Variants in CHODL observed in about 807,000 individuals in gnomAD.
CHODL encodes the protein transmembrane protein MT75.
CHODL carries 29 observed loss-of-function variants against 34.5 expected under a neutral mutation model. That is an observed-to-expected ratio of 0.84 (90% CI 0.63 to 1.15). The LOEUF is 1.15. Among genes scored for constraint, CHODL ranks in the 50% most tolerant of loss-of-function variants. CHODL has a pLI of 0.00. For missense variants in CHODL, 332 were observed against 332.5 expected, an observed-to-expected ratio of 1.00 and a Z score of 0.01; for synonymous variants, 125 against 116.1, an observed-to-expected ratio of 1.08 and a Z score of -0.49.
intron 2 of CHODL, among the ~76,000 whole-genome samples, chr21:18,059,040 C>T (rs1044320892): frequency 6.6e-6 from 1 of 152,114 alleles, no homozygotes; most frequent in Non-Finnish European, 1.5e-5. Context: ...GGTTAAAGCC[C>T]TTATACCCTA....
chr21:18,133,559 T>G (rs1254303130), intron 2 of CHODL, among the ~76,000 whole-genome samples: 3 of 152,142 alleles, frequency 2.0e-5, no homozygotes, highest in African/African-American at 4.8e-5. Flanking sequence ...TACAGGAAGT[T>G]TGTACAGCAA....
chr21:18,117,343 G>A (rs1250705657), intron 2 of CHODL, among the ~76,000 whole-genome samples: 1 of 152,172 alleles, frequency 6.6e-6, no homozygotes, highest in Non-Finnish European at 1.5e-5. Flanking sequence ...GTGGTATGAC[G>A]AGATAAATAT....
At chr21:18,029,026 T>G (rs2064217129) in intron 2 of CHODL, among the ~76,000 whole-genome samples, 1 of 152,212 alleles carries the variant, frequency 6.6e-6, no homozygotes. Context: ...CATCTCATGT[T>G]ACCCATTATG....
rs141198483 is a variant in CHODL at position 18,226,950 on chromosome 21, C to T, written c.-44-29559C>T. Among the ~76,000 whole-genome samples, 582 of 152,158 alleles carry T rather than the reference C, an allele frequency of 3.8e-3. 3 individuals carry two copies. Among genetic ancestry groups the T allele is most frequent in the Non-Finnish European group, 6.1e-3 (416 of 68,012 alleles). ...GTGAAATAGCTGTCTTAGTCCATTC[C>T]GGCTGCGATAACAAAATATCATAAA... On this transcript the variant is annotated intron_variant, in intron 2 of 6. Transcript: ENST00000400127.
chr21:18,225,659 TG>T (rs1372350882), intron 2 of CHODL, among the ~76,000 whole-genome samples: 1 of 152,014 alleles, frequency 6.6e-6, no homozygotes, highest in African/African-American at 2.4e-5. Flanking sequence ...TAAAAAATAA[TG>T]GGTAAGGAGA....
chr21:18,141,672 C>T lies in CHODL; in HGVS notation c.-45+113701C>T, dbSNP rs577451225. On this transcript the variant is annotated intron_variant, in intron 2 of 6. Coordinates refer to the CHODL transcript ENST00000400127. ...GAAATAGAGATTTGTGTGGTGGCTT[C>T]GCAGGTGTGGTGGCTGTAACCCTGG... 6.7e-5 allele frequency among the ~76,000 whole-genome samples: 10 copies of T among 149,434 alleles called. No individual in the cohort carries two copies. In the South Asian group the frequency reaches 1.7e-3, roughly 25 times the overall value.
chr21:18,121,481 A>G (rs747317645), intron 2 of CHODL, among the ~76,000 whole-genome samples: 2 of 152,192 alleles, frequency 1.3e-5, no homozygotes, highest in Admixed American at 6.5e-5. Flanking sequence ...TTAGATATCA[A>G]AGAGGCATCT....
intron 2 of CHODL, among the ~76,000 whole-genome samples, chr21:18,135,411 T>C (rs953583867): frequency 6.6e-6 from 1 of 152,122 alleles, no homozygotes; most frequent in Non-Finnish European, 1.5e-5. Flanking sequence ...AAATACAGAA[T>C]ACATAAGAAC....
intron 1 of CHODL, among the ~76,000 whole-genome samples, chr21:17,936,005 C>T (rs1280346889): frequency 6.6e-6 from 1 of 152,184 alleles, no homozygotes; most frequent in Non-Finnish European, 1.5e-5. Flanking sequence ...ATTTTTTAGA[C>T]AGGGGCTGCT....
chr21:17,954,298 A>T (rs1179742281), intron 1 of CHODL, among the ~76,000 whole-genome samples: 1 of 152,196 alleles, frequency 6.6e-6, no homozygotes, highest in Non-Finnish European at 1.5e-5. Context: ...GAAAGAAGAG[A>T]TAAACCCAAG....
intron 1 of CHODL, among the ~76,000 whole-genome samples, chr21:17,963,071 AAAAAT>A (rs1402110211): frequency 5.3e-4 from 37 of 70,288 alleles, no homozygotes; most frequent in Admixed American, 2.8e-3. Context: ...CTCAAAAAAA[AAAAAT>A]AATAATAATA....
intron 1 of CHODL, among the ~76,000 whole-genome samples, chr21:18,016,990 C>G (rs1426315722): frequency 1.3e-5 from 2 of 152,258 alleles, no homozygotes; most frequent in Non-Finnish European, 2.9e-5. Context: ...GGAGCATTTA[C>G]TTAATGTCTG....
chr21:18,040,327 G>C (rs375675120), intron 2 of CHODL, among the ~76,000 whole-genome samples: 3 of 151,742 alleles, frequency 2.0e-5, no homozygotes, highest in Middle Eastern at 3.2e-3. Context: ...AGAAGGAGAC[G>C]ACATACAAAA....
chr21:18,096,405 A>G (rs2065140376), intron 2 of CHODL, among the ~76,000 whole-genome samples: 1 of 152,200 alleles, frequency 6.6e-6, no homozygotes, highest in Non-Finnish European at 1.5e-5. Context: ...ACAGAGTCAT[A>G]TTTCTCTTCT....
At chr21:18,194,686 A>G (rs1451686878) in intron 2 of CHODL, among the ~76,000 whole-genome samples, 1 of 152,268 alleles carries the variant, frequency 6.6e-6, no homozygotes, top group East Asian at 1.9e-4. Flanking sequence ...ACATTTTCAC[A>G]TAGGTATACA....
intron 2 of CHODL, among the ~76,000 whole-genome samples, chr21:18,050,976 C>T (rs573305297): frequency 8.2e-4 from 123 of 150,568 alleles, no homozygotes; most frequent in Admixed American, 1.6e-3. Context: ...ATGTGCAGAA[C>T]GTGTAGGTTT....
At chr21:18,054,931 T>C (rs1319848653) in intron 2 of CHODL, among the ~76,000 whole-genome samples, 1 of 152,016 alleles carries the variant, frequency 6.6e-6, no homozygotes, top group Admixed American at 6.6e-5. Flanking sequence ...TCCAGCTCAT[T>C]TGTCCAGGGC....
At chr21:18,089,862 G>A (rs1229245841) in intron 2 of CHODL, among the ~76,000 whole-genome samples, 5 of 152,186 alleles carry the variant, frequency 3.3e-5, no homozygotes, top group African/African-American at 4.8e-5. Flanking sequence ...CAAAGCACAG[G>A]AAGCTTCCAC....
chr21:18,245,819 C>A (rs2146780990), intron 1 of CHODL: 2 of 1,127,494 alleles, frequency 1.8e-6, no homozygotes, highest in Non-Finnish European at 2.5e-6. Context: ...TTGTTCTCAG[C>A]AGGACTACTG....
Sources: allele counts gnomAD v4.1 joint callset (sites outside exome capture counted in the v4.1 genomes callset), GRCh38; gene constraint gnomAD v4.1.1; transcripts MANE v1.5; gene names NCBI Gene and HGNC (gene_info 2026-07-23, HGNC 2026-07-21).